RNF38: variants seen among roughly 807,000 people sequenced by gnomAD.
RNF38 encodes the protein E3 ubiquitin-protein ligase RNF38.
In RNF38, 15 loss-of-function variants were observed where a neutral mutation model predicts 67.2. That is an observed-to-expected ratio of 0.22 (90% CI 0.15 to 0.34). The LOEUF (loss-of-function observed/expected upper bound fraction) is 0.34. RNF38 is among the 10% of genes least tolerant of loss of function. RNF38 has a pLI of 1.00. For synonymous variants in RNF38, 220 were observed against 218.8 expected, an observed-to-expected ratio of 1.01 and a Z score of -0.05; for missense variants, 524 against 639.9, an observed-to-expected ratio of 0.82 and a Z score of 1.95.
At chr9:36,373,969 G>A (rs1835589139) in intron 3 of RNF38, among the ~76,000 whole-genome samples, 1 of 152,138 alleles carries the variant, frequency 6.6e-6, no homozygotes, top group South Asian at 2.1e-4. Context: ...GGGATTACAG[G>A]TGCGAGCCAC....
At position 36,487,480 on chromosome 9, in the gene RNF38, C is replaced by G. The variant is rs940351589; in HGVS notation, n.69G>C. On this transcript the variant is annotated non_coding_transcript_exon_variant, in exon 1 of 4. Transcript: ENST00000488058. ...CGGCGGGGCCCGGCCTGGGAGACGA[C>G]GACTGAGGCTGAAAGTGCGCGGCGG... 42 of 976,988 alleles carry G rather than the reference C, an allele frequency of 4.3e-5. No homozygotes were observed. The African/African-American group carries it at 7.1e-4, about 16-fold the overall frequency. 60.5% of individuals were successfully genotyped at this position (976,988 alleles called of 1,614,324 possible).
intron 1 of RNF38, among the ~76,000 whole-genome samples, chr9:36,398,695 G>C (rs1837739786): frequency 6.6e-6 from 1 of 152,208 alleles, no homozygotes; most frequent in Admixed American, 6.5e-5. Flanking sequence ...AAAACTGTCT[G>C]ACATGTTTTC....
chr9:36,397,280 A>AT (rs1043599954), intron 1 of RNF38, among the ~76,000 whole-genome samples: 1 of 151,800 alleles, frequency 6.6e-6, no homozygotes, highest in East Asian at 1.9e-4. Context: ...CACCCGACTA[A>AT]TTTTTTTATT....
chr9:36,374,398 GT>G (rs1322572874), intron 3 of RNF38, among the ~76,000 whole-genome samples: 1 of 152,200 alleles, frequency 6.6e-6, no homozygotes, highest in African/African-American at 2.4e-5. Flanking sequence ...AACATAGTCG[GT>G]TTTTGGAGAG....
chr9:36,344,988 CT>C (rs969010926), intron 9 of RNF38, 35 bp from the exon 10 acceptor site: 48 of 1,589,064 alleles, frequency 3.0e-5, no homozygotes, highest in Non-Finnish European at 3.7e-5. Context: ...TTTCATCTAT[CT>C]TTACATTTTG....
intron 1 of RNF38, among the ~76,000 whole-genome samples, chr9:36,429,725 C>CA (rs1195059114): frequency 2.0e-5 from 3 of 152,112 alleles, no homozygotes; most frequent in Non-Finnish European, 4.4e-5. Flanking sequence ...ACCCAGGAGT[C>CA]AGAGGTTGTA....
upstream of RNF38, chr9:36,400,922 G>GCACCCCGCCT: frequency 4.7e-4 from 411 of 879,224 alleles, 1 homozygote; most frequent in East Asian, 7.2e-4. Flanking sequence ...GCGCCCCGCC[G>GCACCCCGCCT]CACCCCGCCT....
chr9:36,391,955 A>C (rs993829596), intron 1 of RNF38, among the ~76,000 whole-genome samples: 1 of 152,220 alleles, frequency 6.6e-6, no homozygotes, highest in South Asian at 2.1e-4. Context: ...GAAAGAAACA[A>C]AAGTAAATCA....
At chr9:36,423,927 C>G (rs1490492671) in intron 2 of RNF38, among the ~76,000 whole-genome samples, 3 of 20,190 alleles carry the variant, frequency 1.5e-4, no homozygotes, top group Non-Finnish European at 2.5e-4. Flanking sequence ...CCAGCCTGGG[C>G]GACAGAGCGA....
chr9:36,380,257 T>C (rs1224049797), intron 2 of RNF38, among the ~76,000 whole-genome samples: 7 of 152,244 alleles, frequency 4.6e-5, no homozygotes, highest in Admixed American at 4.6e-4. Flanking sequence ...TAGAGTGCAA[T>C]GGCAGGATCT....
chr9:36,412,242 C>T (rs1838344384), intron 2 of RNF38, among the ~76,000 whole-genome samples: 1 of 152,194 alleles, frequency 6.6e-6, no homozygotes, highest in Admixed American at 6.5e-5. Flanking sequence ...CAAATATCAG[C>T]CTTTTGTTTC....
chr9:36,365,846 A>G (rs1323953317), intron 4 of RNF38, among the ~76,000 whole-genome samples: 3 of 151,676 alleles, frequency 2.0e-5, no homozygotes, highest in Admixed American at 6.6e-5. Flanking sequence ...TTGTATTTTT[A>G]GTAGAGACGG....
chr9:36,451,491 G>GTTTTTTTTTT (rs374396585), intron 1 of RNF38, among the ~76,000 whole-genome samples: 1 of 58,670 alleles, frequency 1.7e-5, no homozygotes, highest in Admixed American at 2.4e-4. Context: ...AATTGTAGTA[G>GTTTTTTTTTT]TTTTTTTTTT....
At chr9:36,437,203 A>C (rs569645952) in intron 1 of RNF38, among the ~76,000 whole-genome samples, 1 of 152,336 alleles carries the variant, frequency 6.6e-6, no homozygotes, top group Admixed American at 6.5e-5. Flanking sequence ...TCTTACTATC[A>C]AAGATGCCCC....
chr9:36,420,669 T>C (rs1425950081), intron 2 of RNF38, among the ~76,000 whole-genome samples: 1 of 152,144 alleles, frequency 6.6e-6, no homozygotes, highest in African/African-American at 2.4e-5. Flanking sequence ...GAAAGCAAGC[T>C]GCATAAGAGC....
At chr9:36,372,782 T>G (rs1835484492) in intron 3 of RNF38, among the ~76,000 whole-genome samples, 1 of 152,212 alleles carries the variant, frequency 6.6e-6, no homozygotes, top group Admixed American at 6.5e-5. Context: ...AACAGACATT[T>G]CTGACACTCC....
Position 36,372,875 on chromosome 9 carries a change from G to A in RNF38, c.357-2943C>T, listed in dbSNP as rs181194705. Among the ~76,000 whole-genome samples the A allele has an allele frequency of 1.0e-3, 159 of 152,208 alleles. 2 individuals carry two copies. Among genetic ancestry groups the A allele is most frequent in the Non-Finnish European group, 7.1e-4 (48 of 68,014 alleles). ...AATGAAACTTTTGCACATGTACACA[G>A]AGAAATGCACACACAAAGGTTCCTA... On this transcript the variant is annotated intron_variant, in intron 3 of 11. Transcript: ENST00000259605.
intron 1 of RNF38, among the ~76,000 whole-genome samples, chr9:36,457,628 C>T (rs1182180598): frequency 1.3e-5 from 2 of 152,148 alleles, no homozygotes; most frequent in Admixed American, 6.5e-5. Context: ...TATCAGGGGA[C>T]TGGGCATGGT....
Position 36,376,183 on chromosome 9 carries a change from A to G in RNF38, c.163-56T>C, listed in dbSNP as rs975681068. 14 of 1,314,326 alleles carry G rather than the reference A, an allele frequency of 1.1e-5. No homozygotes were observed. The African/African-American group carries it at 1.8e-4, about 17-fold the overall frequency. 81.4% of individuals were successfully genotyped at this position (1,314,326 alleles called of 1,614,324 possible). A position where few individuals can be genotyped will look rare whatever the true frequency, so the allele number is the denominator to read the frequency against. On this transcript the variant is annotated intron_variant, in intron 2 of 11. Transcript: ENST00000259605. Reference sequence around the variant, plus strand: ...TAAGATCTTTTAAAGATTTCACATTACTGCATATGCACAGGTGTTAGGATG... The same window carrying G: ...TAAGATCTTTTAAAGATTTCACATTGCTGCATATGCACAGGTGTTAGGATG...
Sources: gnomAD v4.1 joint callset for allele counts (sites outside exome capture counted in the v4.1 genomes callset) on GRCh38, gnomAD v4.1.1 for gene constraint, MANE v1.5 for transcripts, NCBI Gene and HGNC (gene_info 2026-07-23, HGNC 2026-07-21) for gene names.